Variants in PAQR8 observed in about 807,000 individuals in gnomAD.
PAQR8 encodes the protein progestin and adipoQ receptor family member 8.
A neutral mutation model predicts 25.2 loss-of-function variants in PAQR8; 17 were observed. That is an observed-to-expected ratio of 0.67 (90% confidence interval 0.46 to 1.01). PAQR8 has a LOEUF of 1.01. Among genes scored for constraint, PAQR8 ranks in the 50% least tolerant of loss-of-function variants. PAQR8 has a pLI of 0.00. For synonymous variants in PAQR8, 204 were observed against 190.6 expected (o/e 1.07, Z -0.58); for missense variants, 392 against 448.4 (o/e 0.87, Z 1.14).
chr6:52,380,950 C>T (rs1038513821), intron 1 of PAQR8, among the ~76,000 whole-genome samples: 3 of 152,202 alleles, frequency 2.0e-5, no homozygotes, highest in African/African-American at 7.2e-5. Flanking sequence ...GATTTTTCCA[C>T]ATATAATTTC....
chr6:52,376,903 C>G (rs1300735315), intron 1 of PAQR8, among the ~76,000 whole-genome samples: 1 of 152,122 alleles, frequency 6.6e-6, no homozygotes, highest in East Asian at 1.9e-4. Flanking sequence ...TCAGTAGATA[C>G]TATAATCCTT....
intron 1 of PAQR8, among the ~76,000 whole-genome samples, chr6:52,401,762 C>T (rs1163319575): frequency 6.6e-6 from 1 of 152,120 alleles, no homozygotes; most frequent in African/African-American, 2.4e-5. Flanking sequence ...TTGCTCACCT[C>T]ATATTTTCAA....
chr6:52,372,454 C>T (rs921418580), intron 1 of PAQR8, among the ~76,000 whole-genome samples: 2 of 152,016 alleles, frequency 1.3e-5, no homozygotes, highest in African/African-American at 2.4e-5. Context: ...TCATGTTGGC[C>T]CCAGAACCCA....
Position 52,362,747 on chromosome 6 carries a change from G to A in PAQR8, c.-53+498G>A, listed in dbSNP as rs1420185838. Among the ~76,000 whole-genome samples the A allele has an allele frequency of 6.6e-6, 1 of 152,190 alleles. No homozygotes were observed. Among genetic ancestry groups the A allele is most frequent in the Non-Finnish European group, 1.5e-5 (1 of 68,028 alleles). On this transcript the variant is annotated intron_variant, in intron 1 of 1. Transcript: ENST00000442253. This position sits in a 1 kb window ranked among gnomAD's most constrained non-coding sequence, Gnocchi z 4.1. ...GCGGAGGGGAACGGAACCTGGGAGG[G>A]GAGTGCGGAGGAGAGGAAGCCCGGG...
At chr6:52,391,356 T>G (rs946121567) in intron 1 of PAQR8, among the ~76,000 whole-genome samples, 3 of 152,228 alleles carry the variant, frequency 2.0e-5, no homozygotes, top group African/African-American at 7.2e-5. Flanking sequence ...AGTATTCTAT[T>G]TTATAGATTT....
intron 1 of PAQR8, among the ~76,000 whole-genome samples, chr6:52,385,885 C>T (rs1763627594): frequency 6.6e-6 from 1 of 151,680 alleles, no homozygotes; most frequent in Non-Finnish European, 1.5e-5. Context: ...GACCCTGTCT[C>T]AAAACAAAAA....
At chr6:52,377,409 A>T (rs143055792) in intron 1 of PAQR8, among the ~76,000 whole-genome samples, 301 of 152,276 alleles carry the variant, frequency 2.0e-3, no homozygotes, top group African/African-American at 6.6e-3. Flanking sequence ...TGCCTCCAAG[A>T]TCAATGCAAC....
In PAQR8 at chr6:52,407,547, C is replaced by T. The variant is rs562811068; in HGVS notation, c.*3269C>T. ...CCTTTATGCTTGAAAACATTAGGTT[C>T]TTTGGTTACTGCACTGTAGTTTCAA... On this transcript the variant is annotated 3_prime_UTR_variant, in exon 2 of 2. Transcript: ENST00000442253. The T allele has an allele frequency of 1.2e-5, 2 of 166,984 alleles. No homozygotes were observed. Among genetic ancestry groups the T allele is most frequent in the South Asian group, 4.2e-4 (2 of 4,812 alleles). 10.3% of individuals were successfully genotyped at this position (166,984 alleles called of 1,614,324 possible).
rs1001775612 is a variant in PAQR8 at position 52,362,353 on chromosome 6, C to T, written c.-53+104C>T. On this transcript the variant is annotated intron_variant, in intron 1 of 1. Transcript: ENST00000442253. The surrounding 1 kb of genome is among the most constrained non-coding windows in gnomAD (Gnocchi z 4.1). ...GCTCGGGAGGCGGGGACGTCAGGATCGCGGCGTTGGGGAGTCCTCGCACCC... is the reference window on the plus strand; with the variant it reads ...GCTCGGGAGGCGGGGACGTCAGGATTGCGGCGTTGGGGAGTCCTCGCACCC... The T allele has an allele frequency of 1.3e-5, 2 of 152,322 alleles. No individual in the cohort carries two copies. Among genetic ancestry groups the T allele is most frequent in the African/African-American group, 4.8e-5 (2 of 41,434 alleles). The allele number at this position is 152,322 out of a possible 1,614,324, so 9.4% of individuals were successfully genotyped here.
In PAQR8 at chr6:52,403,425, A is replaced by G; in HGVS notation, c.212A>G (p.Gln71Arg). Residue 71 changes from glutamine (Q) to arginine (R), a missense_variant, in exon 2 of 2, where the codon CAG becomes CGG. Physicochemically the swap from Gln to Arg is conservative, Grantham distance 43 (BLOSUM62 1). Transcript: ENST00000442253. ...CGCTACTACTTCTTCAGCCTCTTTC[A>G]GAAACACAACGAGGTGGTCAACGTC... The part of the protein sequence containing the change: ...EWRYYFFSLF[Q>R]KHNEVVNVWT... 6.2e-7 allele frequency: 1 copy of G among 1,614,248 alleles called. No individual in the cohort carries two copies. Among genetic ancestry groups the G allele is most frequent in the Non-Finnish European group, 8.5e-7 (1 of 1,180,044 alleles).
chr6:52,380,805 A>C (rs1763550137), intron 1 of PAQR8, among the ~76,000 whole-genome samples: 2 of 152,224 alleles, frequency 1.3e-5, no homozygotes. Flanking sequence ...GCTTATAAAA[A>C]TCCTGTGACC....
chr6:52,398,919 T>C (rs1347512857), intron 1 of PAQR8, among the ~76,000 whole-genome samples: 1 of 152,116 alleles, frequency 6.6e-6, no homozygotes, highest in Non-Finnish European at 1.5e-5. Flanking sequence ...TCCTGAGAGG[T>C]AAGGAATCAT....
intron 1 of PAQR8, among the ~76,000 whole-genome samples, chr6:52,386,688 G>T (rs1233469264): frequency 3.9e-5 from 6 of 152,114 alleles, no homozygotes; most frequent in African/African-American, 1.2e-4. Flanking sequence ...GAGGGACCGG[G>T]GCAAGGTTGA....
intron 1 of PAQR8, among the ~76,000 whole-genome samples, chr6:52,371,930 G>A (rs1048056978): frequency 6.6e-6 from 1 of 152,160 alleles, no homozygotes; most frequent in African/African-American, 2.4e-5. Flanking sequence ...GGAAATGCTG[G>A]TTTAATTAAG....
At chr6:52,365,503 AAC>A (rs1763341667) in intron 1 of PAQR8, among the ~76,000 whole-genome samples, 1 of 152,204 alleles carries the variant, frequency 6.6e-6, no homozygotes, top group Non-Finnish European at 1.5e-5. Flanking sequence ...ATGCGTGTAG[AAC>A]ACTTGAGTTC....
At position 52,403,187 on chromosome 6, in the gene PAQR8, G is replaced by C. The variant is rs372154133; in HGVS notation, c.-27G>C. The C allele has an allele frequency of 1.1e-3, 1,752 of 1,574,848 alleles. 3 individuals carry two copies. The highest frequency in any genetic ancestry group is 2.5e-3 in the Middle Eastern group (14 of 5,518). ...GTTGCATACCCTGTCCTGAGGGCGCGGCACGGAGTGCATGCGGGCCGCTGC... is the reference window on the plus strand; with the variant it reads ...GTTGCATACCCTGTCCTGAGGGCGCCGCACGGAGTGCATGCGGGCCGCTGC... On this transcript the variant is annotated 5_prime_UTR_variant, in exon 2 of 2. Transcript: ENST00000442253.
rs35079265 is a variant in PAQR8 at position 52,393,333 on chromosome 6, C to CTTTTT, written c.-52-9813_-52-9809dup. Among the ~76,000 whole-genome samples, 998 of 111,096 alleles carry CTTTTT rather than the reference C, an allele frequency of 9.0e-3. 17 individuals are homozygous for CTTTTT. Among genetic ancestry groups the CTTTTT allele is most frequent in the Non-Finnish European group, 0.013 (764 of 57,798 alleles). 72.9% of individuals were successfully genotyped at this position (111,096 alleles called of 152,430 possible). ...ACTATTATTCTGACACTTTCTCTCT[C>CTTTTT]TTTTTTTTTTTTTTTTTTTTGAGAC... On this transcript the variant is annotated intron_variant, in intron 1 of 1. Coordinates refer to ENST00000442253, the MANE Select transcript of PAQR8 (RefSeq NM_133367.5).
intron 1 of PAQR8, among the ~76,000 whole-genome samples, chr6:52,396,733 G>C (rs1223551543): frequency 1.3e-5 from 2 of 152,138 alleles, no homozygotes; most frequent in African/African-American, 2.4e-5. Context: ...AGGGCAAATG[G>C]CTTCCAGAAA....
intron 1 of PAQR8, among the ~76,000 whole-genome samples, chr6:52,368,018 C>T (rs1423043563): frequency 6.6e-6 from 1 of 151,994 alleles, no homozygotes; most frequent in African/African-American, 2.4e-5. Flanking sequence ...CGCTTGAGCC[C>T]CAGGAGTTCA....
Sources: gnomAD v4.1 joint callset for allele counts (sites outside exome capture counted in the v4.1 genomes callset) on GRCh38, gnomAD v4.1.1 for gene constraint, Gnocchi (gnomAD v3.1) non-coding constraint, MANE v1.5 for transcripts, NCBI Gene and HGNC (gene_info 2026-07-23, HGNC 2026-07-21) for gene names.